FSTL1: variants seen among roughly 807,000 people sequenced by gnomAD.
FSTL1 encodes follistatin like 1, also known as follistatin-related protein 1.
Under a neutral mutation model 45.9 loss-of-function variants are expected in FSTL1, and 24 were observed. The ratio of observed to expected loss-of-function variants is 0.52; its 90% CI spans 0.38 to 0.74. FSTL1 has a LOEUF of 0.74. Ranked by LOEUF, FSTL1 falls within the 30% of genes least tolerant of loss-of-function variation. The pLI is 0.00. For missense variants in FSTL1, 340 were observed against 381.8 expected (o/e 0.89, Z 0.91); for synonymous variants, 120 against 137.6 (o/e 0.87, Z 0.89).
At chr3:120,443,810 G>A (rs1029080296) in intron 2 of FSTL1, among the ~76,000 whole-genome samples, 2 of 149,816 alleles carry the variant, frequency 1.3e-5, no homozygotes, top group African/African-American at 5.1e-5. Flanking sequence ...GCTTCCAAAT[G>A]AGCATCTAAA....
At chr3:120,425,828 C>A (rs1340408838) in intron 2 of FSTL1, among the ~76,000 whole-genome samples, 1 of 152,202 alleles carries the variant, frequency 6.6e-6, no homozygotes, top group Non-Finnish European at 1.5e-5. Flanking sequence ...CATTCCCTCC[C>A]AGATCATGGC....
chr3:120,399,737 A>T, intron 10 of FSTL1, 146 bp downstream of exon 10: 1 of 604,510 alleles, frequency 1.7e-6, no homozygotes, highest in Non-Finnish European at 3.0e-6. Flanking sequence ...ACAGTTTGAT[A>T]GTACAGGTGA....
At chr3:120,443,985 C>T (rs988184266) in intron 2 of FSTL1, among the ~76,000 whole-genome samples, 5 of 149,994 alleles carry the variant, frequency 3.3e-5, no homozygotes, top group Admixed American at 3.3e-4. Context: ...AGAACTTTAG[C>T]AAGAGCAACT....
At chr3:120,418,936 C>T (rs1431592029) in intron 2 of FSTL1, 1 of 152,220 alleles carries the variant, frequency 6.6e-6, no homozygotes, top group Non-Finnish European at 1.5e-5. Flanking sequence ...CCGTTTTTCC[C>T]TGTCCTCCCT....
rs114109084 is a variant in FSTL1 at position 120,397,017 on chromosome 3, T to C, written c.883-21A>G. On this transcript the variant is annotated intron_variant, in intron 10 of 10. Coordinates refer to ENST00000295633, the MANE Select transcript of FSTL1 (RefSeq NM_007085.5). Reference sequence around the variant, plus strand: ...GTTTCCTTTGAGATGCAAGAGAAAATAGGCGTCATGGAAATATTAAACAAC... The same window carrying C: ...GTTTCCTTTGAGATGCAAGAGAAAACAGGCGTCATGGAAATATTAAACAAC... 7,404 of 1,589,342 alleles carry C rather than the reference T, an allele frequency of 4.7e-3. 194 individuals are homozygous for C. In the African/African-American group the frequency reaches 0.069, roughly 15 times the overall value.
intron 9 of FSTL1, among the ~76,000 whole-genome samples, chr3:120,401,296 T>C (rs1306741118): frequency 1.3e-5 from 2 of 152,198 alleles, no homozygotes; most frequent in Non-Finnish European, 1.5e-5. Flanking sequence ...TAGGAATTTC[T>C]AGTCTCTAAA....
intron 2 of FSTL1, among the ~76,000 whole-genome samples, chr3:120,440,312 A>G (rs990238021): frequency 1.4e-4 from 21 of 152,260 alleles, no homozygotes; most frequent in South Asian, 6.2e-4. Context: ...TTCCAGGCAC[A>G]TAGCCATATA....
At chr3:120,425,364 CAA>C (rs5852246) in intron 2 of FSTL1, among the ~76,000 whole-genome samples, 238 of 134,838 alleles carry the variant, frequency 1.8e-3, no homozygotes, top group Admixed American at 1.9e-3. Context: ...ATAAAACAGC[CAA>C]AAAAAAAAAA....
At position 120,404,886 on chromosome 3, in the gene FSTL1, G is replaced by C; in HGVS notation, c.548C>G (p.Thr183Arg). The part of the protein sequence containing the change: ...EQNETAINIT[T>R]YPDQENNKLL... ...CTTGTTGTTCTCCTGGTCTGGATAC[G>C]TTGTAATATTGATGGCAGTTTCATT... Residue 183 changes from threonine to arginine, a missense_variant, in exon 7 of 11, where the codon ACG becomes AGG. Physicochemically the swap from Thr to Arg is moderately conservative, Grantham distance 71. Transcript: ENST00000295633. 6.3e-7 allele frequency: 1 copy of C among 1,592,898 alleles called. No individual in the cohort carries two copies. Among genetic ancestry groups the C allele is most frequent in the Non-Finnish European group, 8.6e-7 (1 of 1,160,584 alleles).
chr3:120,448,673 T>C (rs938772842), intron 2 of FSTL1, among the ~76,000 whole-genome samples: 1 of 152,198 alleles, frequency 6.6e-6, no homozygotes, highest in Admixed American at 6.5e-5. Flanking sequence ...TCAGTACTTC[T>C]CTATTTTGCC....
chr3:120,435,681 C>T (rs1937539007), intron 2 of FSTL1, among the ~76,000 whole-genome samples: 1 of 152,208 alleles, frequency 6.6e-6, no homozygotes, highest in Non-Finnish European at 1.5e-5. Context: ...TTCCTGGAGT[C>T]AGAGTCAAAC....
At chr3:120,414,482 G>T (rs1392994287) in intron 3 of FSTL1, among the ~76,000 whole-genome samples, 8 of 150,662 alleles carry the variant, frequency 5.3e-5, no homozygotes, top group African/African-American at 2.0e-4. Flanking sequence ...CACCCCGTCT[G>T]GGAGGTGTGC....
At chr3:120,402,658 G>C in intron 9 of FSTL1, 150 bp downstream of exon 9, 1 of 616,870 alleles carries the variant, frequency 1.6e-6, no homozygotes, top group Non-Finnish European at 2.9e-6. Flanking sequence ...TCCCCACTTG[G>C]GGCTCCAACC....
At chr3:120,431,685 G>A (rs1009633192) in intron 2 of FSTL1, among the ~76,000 whole-genome samples, 5 of 152,194 alleles carry the variant, frequency 3.3e-5, no homozygotes, top group African/African-American at 1.2e-4. Context: ...GAGAAAAAAG[G>A]AAATAAAAAT....
At chr3:120,442,317 C>T (rs1937639614) in intron 2 of FSTL1, among the ~76,000 whole-genome samples, 1 of 152,178 alleles carries the variant, frequency 6.6e-6, no homozygotes, top group African/African-American at 2.4e-5. Flanking sequence ...CAAACTCAGT[C>T]CACTGCCCCA....
intron 2 of FSTL1, among the ~76,000 whole-genome samples, chr3:120,430,308 C>T (rs1019343054): frequency 3.3e-5 from 5 of 152,186 alleles, no homozygotes; most frequent in Non-Finnish European, 5.9e-5. Context: ...ACCCTCTTCT[C>T]AACCCTGGTT....
intron 2 of FSTL1, among the ~76,000 whole-genome samples, chr3:120,422,306 G>C: frequency 6.6e-6 from 1 of 152,128 alleles, no homozygotes; most frequent in East Asian, 1.9e-4. Flanking sequence ...CTTTTAATTT[G>C]CTAAGAGGAT....
At chr3:120,403,929 A>AAAAAC (rs1936883020) in intron 7 of FSTL1, among the ~76,000 whole-genome samples, 2 of 128,176 alleles carry the variant, frequency 1.6e-5, no homozygotes, top group Non-Finnish European at 3.3e-5. Context: ...TCAAAAAAAA[A>AAAAAC]AAAAAAAAAA....
rs1937141720 is a variant in FSTL1, at chr3:120,414,296, A to G, written c.168+1627T>C. On this transcript the variant is annotated intron_variant, in intron 3 of 10. Transcript: ENST00000295633. ...CTGGCTGCCCAGTCTGGAACGTGAG[A>G]AGCGTCTCTGCCCGGCCGCCATCCC... Among the ~76,000 whole-genome samples, 17 of 145,968 alleles carry G rather than the reference A, an allele frequency of 1.2e-4. No individual in the cohort carries two copies. In the South Asian group the frequency reaches 3.7e-3, roughly 32 times the overall value.
Sources: gnomAD v4.1 joint callset for allele counts (sites outside exome capture counted in the v4.1 genomes callset) on GRCh38, gnomAD v4.1.1 for gene constraint, MANE v1.5 for transcripts, NCBI Gene and HGNC (gene_info 2026-07-23, HGNC 2026-07-21) for gene names.